CBR4: variants seen among roughly 807,000 people sequenced by gnomAD.
CBR4 encodes carbonyl reductase 4.
In CBR4, 22 loss-of-function variants were observed where a neutral mutation model predicts 21.0. The observed-to-expected ratio is 1.05, with a 90% CI of 0.75 to 1.50. The LOEUF (loss-of-function observed/expected upper bound fraction) is 1.50. Among genes scored for constraint, CBR4 ranks in the 40% most tolerant of loss-of-function variants. CBR4 has a pLI of 0.00. For missense variants in CBR4, 302 were observed against 286.3 expected, an observed-to-expected ratio of 1.05 and a Z score of -0.40; for synonymous variants, 100 against 104.4, an observed-to-expected ratio of 0.96 and a Z score of 0.26.
intron 2 of CBR4, among the ~76,000 whole-genome samples, chr4:168,978,780 G>C (rs1056324644): frequency 1.3e-5 from 2 of 152,154 alleles, no homozygotes. Context: ...CCAGGAGAGA[G>C]GCTGCATCCA....
At chr4:168,999,907 C>T (rs1241361446) in intron 4 of CBR4, among the ~76,000 whole-genome samples, 1 of 152,186 alleles carries the variant, frequency 6.6e-6, no homozygotes, top group African/African-American at 2.4e-5. Flanking sequence ...GTCTTTTTCA[C>T]TATACTTAGC....
At chr4:168,899,549 A>G (rs1035961268) in intron 2 of CBR4, among the ~76,000 whole-genome samples, 4 of 152,214 alleles carry the variant, frequency 2.6e-5, no homozygotes, top group African/African-American at 7.2e-5. Context: ...ATGTGAAGAA[A>G]TAACCATGAG....
At chr4:168,928,208 A>G (rs1762796452) in intron 2 of CBR4, 1 of 185,628 alleles carries the variant, frequency 5.4e-6, no homozygotes, top group East Asian at 8.7e-5. Context: ...ACCTATCTCT[A>G]TTGTAGAATT....
intron 2 of CBR4, among the ~76,000 whole-genome samples, chr4:168,952,623 A>ACTCT (rs1487926010): frequency 6.6e-6 from 1 of 150,898 alleles, no homozygotes; most frequent in Non-Finnish European, 1.5e-5. Flanking sequence ...TTGATGTAGC[A>ACTCT]CTCTCCCCTT....
intron 2 of CBR4, among the ~76,000 whole-genome samples, chr4:168,944,291 G>T (rs955651441): frequency 8.6e-4 from 131 of 151,586 alleles, no homozygotes; most frequent in African/African-American, 2.8e-3. Flanking sequence ...TAAAAATAAA[G>T]AAATAAATAA....
At chr4:168,902,267 A>T (rs184112332) in intron 2 of CBR4, among the ~76,000 whole-genome samples, 1 of 152,168 alleles carries the variant, frequency 6.6e-6, no homozygotes. Flanking sequence ...TTTGTTAGGA[A>T]TCAGGAATAC....
intron 2 of CBR4, chr4:168,916,071 C>T (rs1451171182): frequency 6.4e-7 from 1 of 1,568,468 alleles, no homozygotes; most frequent in Admixed American, 1.7e-5. Flanking sequence ...CCCCACTTCT[C>T]CCTCACTTGC....
intron 2 of CBR4, among the ~76,000 whole-genome samples, chr4:168,982,558 G>A (rs1218528821): frequency 6.6e-6 from 1 of 152,002 alleles, no homozygotes; most frequent in African/African-American, 2.4e-5. Context: ...CTTGGTACTT[G>A]ACCAAATGAA....
At position 169,002,136 on chromosome 4, in the gene CBR4, C is replaced by G; in HGVS notation, c.470G>C (p.Gly157Ala). 6.3e-7 allele frequency: 1 copy of G among 1,587,044 alleles called. No homozygotes were observed. The highest frequency in any genetic ancestry group is 8.6e-7 in the Non-Finnish European group (1 of 1,169,186). The change falls in exon 4 of 5, where the codon GGA becomes GCA. Residue 157 changes from glycine to alanine, a missense_variant. Gly to Ala is a moderately conservative substitution (Grantham distance 60, BLOSUM62 0). Coordinates refer to ENST00000306193, the MANE Select transcript of CBR4 (RefSeq NM_032783.5). Reference protein sequence around the residue: ...VYSASKGGLVGFSRALAKEVA... With the variant: ...VYSASKGGLVAFSRALAKEVA... ...CTCTTTAGCAAGAGCACGTGAAAAT[C>G]CAACTAATCCTCCTTTACTGGCACT...
intron 2 of CBR4, among the ~76,000 whole-genome samples, chr4:168,920,917 C>T (rs569283747): frequency 2.3e-4 from 35 of 152,266 alleles, no homozygotes; most frequent in African/African-American, 7.9e-4. Flanking sequence ...AAGCCCAGAG[C>T]CTGGTGCTGA....
intron 2 of CBR4, chr4:168,926,166 C>G: frequency 7.1e-7 from 1 of 1,401,298 alleles, no homozygotes; most frequent in Non-Finnish European, 9.5e-7. Context: ...AAAGGCTTTC[C>G]AAGTATATCT....
intron 4 of CBR4, chr4:169,001,274 A>G (rs1283644346): frequency 6.6e-6 from 1 of 151,828 alleles, no homozygotes; most frequent in Non-Finnish European, 1.5e-5. Context: ...CTGGTAGGAC[A>G]TTATTTTTAA....
intron 2 of CBR4, among the ~76,000 whole-genome samples, chr4:168,915,041 A>G (rs1759822828): frequency 6.6e-6 from 1 of 152,238 alleles, no homozygotes; most frequent in Non-Finnish European, 1.5e-5. Context: ...TGTTGTCTGC[A>G]ACACATTTTT....
chr4:168,994,737 C>A (rs1029153039), intron 4 of CBR4, among the ~76,000 whole-genome samples: 5 of 143,854 alleles, frequency 3.5e-5, no homozygotes, highest in African/African-American at 1.3e-4. Flanking sequence ...TACCACCACG[C>A]CTGGCTAATT....
At chr4:168,983,891 C>T (rs1764611650), downstream of CBR4, among the ~76,000 whole-genome samples, 4 of 151,924 alleles carry the variant, frequency 2.6e-5, no homozygotes, top group African/African-American at 9.7e-5. Flanking sequence ...ACAAACTAAG[C>T]ATTAAAGGTA....
chr4:168,912,188 C>T (rs1759107974), intron 2 of CBR4, among the ~76,000 whole-genome samples: 1 of 152,186 alleles, frequency 6.6e-6, no homozygotes, highest in African/African-American at 2.4e-5. Flanking sequence ...CAGAACACTG[C>T]AGCTTCTGTT....
intron 2 of CBR4, among the ~76,000 whole-genome samples, chr4:168,959,861 C>T (rs2126723846): frequency 7.2e-6 from 1 of 138,462 alleles, no homozygotes; most frequent in South Asian, 2.5e-4. Flanking sequence ...CCACGCCCAG[C>T]CTCAATTTCT....
intron 2 of CBR4, chr4:168,896,580 G>A: frequency 6.6e-7 from 1 of 1,518,004 alleles, no homozygotes; most frequent in Non-Finnish European, 8.9e-7. Flanking sequence ...TCTGTAGGGA[G>A]TCCTCTGGAT....
At chr4:168,968,462 A>C (rs1488818413) in intron 2 of CBR4, among the ~76,000 whole-genome samples, 1 of 152,188 alleles carries the variant, frequency 6.6e-6, no homozygotes, top group African/African-American at 2.4e-5. Flanking sequence ...TACTTTTGTC[A>C]ATTCCAAGTG....
Sources: allele counts gnomAD v4.1 joint callset (sites outside exome capture counted in the v4.1 genomes callset), GRCh38; gene constraint gnomAD v4.1.1; transcripts MANE v1.5; gene names NCBI Gene and HGNC (gene_info 2026-07-23, HGNC 2026-07-21).